The following ATP2B1 variants were observed in gnomAD, a reference collection of about 807,000 sequenced individuals.
ATP2B1 encodes plasma membrane calcium-transporting ATPase 1.
In ATP2B1, 14 loss-of-function variants were observed where a neutral mutation model predicts 124.2. That is an observed-to-expected ratio of 0.11 (90% CI 0.07 to 0.18). The LOEUF is 0.18. Among genes scored for constraint, ATP2B1 ranks in the 10% least tolerant of loss-of-function variants. ATP2B1 has a pLI of 1.00. For missense variants in ATP2B1, 763 were observed against 1,466.1 expected (o/e 0.52, Z 7.83); for synonymous variants, 449 against 492.4 (o/e 0.91, Z 1.17).
At chr12:89,659,383 C>T (rs1019833016) in intron 1 of ATP2B1, among the ~76,000 whole-genome samples, 2 of 151,724 alleles carry the variant, frequency 1.3e-5, no homozygotes, top group African/African-American at 2.4e-5. Flanking sequence ...CACACACACA[C>T]GCACAAGCAC....
intron 1 of ATP2B1, among the ~76,000 whole-genome samples, chr12:89,661,718 G>C (rs77145671): frequency 0.035 from 5,345 of 152,178 alleles, 296 homozygotes; most frequent in African/African-American, 0.12. Flanking sequence ...AAGAACTCAA[G>C]AGATCTCCAT....
At chr12:89,626,240 A>C (rs934369805) in intron 8 of ATP2B1, among the ~76,000 whole-genome samples, 1 of 152,220 alleles carries the variant, frequency 6.6e-6, no homozygotes, top group Non-Finnish European at 1.5e-5. Context: ...GGACAGACTT[A>C]GGCACTAATC....
intron 6 of ATP2B1, among the ~76,000 whole-genome samples, chr12:89,628,401 CAAAAAAAAAAAAAAAAAAAA>C (rs567077317): frequency 1.3e-5 from 1 of 79,612 alleles, no homozygotes; most frequent in Non-Finnish European, 2.3e-5. Flanking sequence ...GACTCCGTCT[CAAAAAAAAAAAAAAAAAAAA>C]AAAAAAAAAA....
chr12:89,643,174 A>ATGTATATGTATGTATATATG (rs1883894196), intron 2 of ATP2B1, among the ~76,000 whole-genome samples: 1 of 150,420 alleles, frequency 6.6e-6, no homozygotes, highest in African/African-American at 2.5e-5. Flanking sequence ...GTATGTATAT[A>ATGTATATGTATGTATATATG]TGTATATGTA....
intron 5 of ATP2B1, among the ~76,000 whole-genome samples, chr12:89,633,941 A>G (rs1156273094): frequency 6.6e-6 from 1 of 152,194 alleles, no homozygotes; most frequent in Non-Finnish European, 1.5e-5. Context: ...TAGGAACCCC[A>G]GAACCTAAAA....
intron 2 of ATP2B1, among the ~76,000 whole-genome samples, chr12:89,646,343 A>G (rs1453110967): frequency 6.6e-6 from 1 of 152,120 alleles, no homozygotes; most frequent in South Asian, 2.1e-4. Flanking sequence ...CACAAGCCCA[A>G]TGAGAGCTCT....
At chr12:89,700,365 A>C (rs1891694704) in intron 1 of ATP2B1, among the ~76,000 whole-genome samples, 1 of 152,126 alleles carries the variant, frequency 6.6e-6, no homozygotes. Flanking sequence ...TTAACTCAGT[A>C]GTTCTCCGCT....
rs555426395 is a variant in ATP2B1 at position 89,638,074 on chromosome 12, T to C, written c.407-2823A>G. On this transcript the variant is annotated intron_variant, in intron 3 of 20. Coordinates refer to ENST00000428670, the MANE Select transcript of ATP2B1 (RefSeq NM_001366521.1). Reference sequence around the variant, plus strand: ...ATAAATCCTTTCCTACTGACAATGATTACAAATTTTTAGAGAAGTTATAGG... The same window carrying C: ...ATAAATCCTTTCCTACTGACAATGACTACAAATTTTTAGAGAAGTTATAGG... Among the ~76,000 whole-genome samples the C allele has an allele frequency of 5.7e-4, 87 of 151,952 alleles. 1 individual carries two copies. The highest frequency in any genetic ancestry group is 2.1e-3 in the African/African-American group (86 of 41,454).
intron 3 of ATP2B1, among the ~76,000 whole-genome samples, chr12:89,641,333 A>G (rs1883473498): frequency 6.6e-6 from 1 of 152,176 alleles, no homozygotes; most frequent in Non-Finnish European, 1.5e-5. Context: ...TGGTTAGGAT[A>G]CTCTGTACAG....
intron 3 of ATP2B1, among the ~76,000 whole-genome samples, chr12:89,636,547 A>G (rs996443035): frequency 6.6e-6 from 1 of 152,182 alleles, no homozygotes; most frequent in Non-Finnish European, 1.5e-5. Context: ...CAGACAAAGC[A>G]GGAGGATTAT....
intron 5 of ATP2B1, among the ~76,000 whole-genome samples, chr12:89,630,961 A>AG (rs547282914): frequency 6.1e-4 from 93 of 151,958 alleles, no homozygotes; most frequent in African/African-American, 2.1e-3. Context: ...TTGTAGAGAC[A>AG]GGGTCTCACT....
intron 3 of ATP2B1, among the ~76,000 whole-genome samples, chr12:89,640,630 T>C (rs78409878): frequency 0.6 from 91,287 of 151,498 alleles, 28,040 homozygotes; most frequent in East Asian, 0.76. Context: ...TGGATGTTTT[T>C]CCCCTCCAAA....
chr12:89,594,430 C>T (rs1874180797), intron 20 of ATP2B1: 1 of 151,388 alleles, frequency 6.6e-6, no homozygotes, highest in South Asian at 2.1e-4. Context: ...TTTTGAAAAT[C>T]CAAGCCTATT....
intron 2 of ATP2B1, among the ~76,000 whole-genome samples, chr12:89,655,366 T>A (rs1885826936): frequency 6.6e-6 from 1 of 152,194 alleles, no homozygotes; most frequent in Non-Finnish European, 1.5e-5. Flanking sequence ...CTGGGAGGCA[T>A]CCAAGCCTGG....
Position 89,589,901 on chromosome 12 carries a change from T to C in ATP2B1, c.*1083A>G, listed in dbSNP as rs1873243382. 6.6e-6 allele frequency: 1 copy of C among 152,554 alleles called. No individual in the cohort carries two copies. Among genetic ancestry groups the C allele is most frequent in the Non-Finnish European group, 1.5e-5 (1 of 67,994 alleles). The allele number at this position is 152,554 out of a possible 1,614,324, so 9.5% of individuals were successfully genotyped here. ...TTCTACTTATTAACCTTTTTCAAAA[T>C]GCCAACAGCCCTCATGCTGTGTGAA... On this transcript the variant is annotated 3_prime_UTR_variant, in exon 21 of 21. Coordinates refer to ENST00000428670, the MANE Select transcript of ATP2B1 (RefSeq NM_001366521.1).
chr12:89,702,857 AAAC>A (rs1405328157), intron 1 of ATP2B1, among the ~76,000 whole-genome samples: 1 of 152,210 alleles, frequency 6.6e-6, no homozygotes, highest in Non-Finnish European at 1.5e-5. Flanking sequence ...TTATAACTAA[AAAC>A]ACCACATACG....
chr12:89,649,571 G>A (rs1025114693), intron 2 of ATP2B1, among the ~76,000 whole-genome samples: 1 of 152,154 alleles, frequency 6.6e-6, no homozygotes, highest in Non-Finnish European at 1.5e-5. Context: ...ATAAATGGAA[G>A]GAACTCATCT....
intron 5 of ATP2B1, among the ~76,000 whole-genome samples, chr12:89,633,597 C>G (rs1435467991): frequency 1.3e-5 from 2 of 151,628 alleles, no homozygotes; most frequent in Non-Finnish European, 2.9e-5. Context: ...GATTTTCTGG[C>G]CAATATAAAT....
intron 1 of ATP2B1, among the ~76,000 whole-genome samples, chr12:89,659,660 T>C (rs1021348551): frequency 3.9e-5 from 6 of 152,144 alleles, no homozygotes; most frequent in Admixed American, 1.3e-4. Context: ...CAGTGGCTCA[T>C]GCCTGTAATC....
Sources: allele counts gnomAD v4.1 joint callset (sites outside exome capture counted in the v4.1 genomes callset), GRCh38; gene constraint gnomAD v4.1.1; transcripts MANE v1.5; gene names NCBI Gene and HGNC (gene_info 2026-07-23, HGNC 2026-07-21).